The following TAOK1 variants were observed in gnomAD, a reference collection of about 807,000 sequenced individuals.
TAOK1 encodes the protein serine/threonine-protein kinase TAO1.
Under a neutral mutation model 138.3 loss-of-function variants are expected in TAOK1, and 21 were observed. The ratio of observed to expected loss-of-function variants is 0.15; its 90% CI spans 0.11 to 0.22. TAOK1 has a LOEUF of 0.22. Ranked by LOEUF, TAOK1 falls within the 10% of genes least tolerant of loss-of-function variation. TAOK1 has a pLI of 1.00. For missense variants in TAOK1, 651 were observed against 1,227.7 expected (o/e 0.53, Z 7.02); for synonymous variants, 361 against 398.4 (o/e 0.91, Z 1.12).
intron 1 of TAOK1, among the ~76,000 whole-genome samples, chr17:29,396,384 G>A (rs1208987609): frequency 2.6e-5 from 4 of 152,118 alleles, no homozygotes; most frequent in African/African-American, 9.7e-5. Context: ...GTAAGTAAAA[G>A]TATAAATTAT....
At chr17:29,529,854 G>A (rs981083191) in intron 17 of TAOK1, among the ~76,000 whole-genome samples, 1 of 144,176 alleles carries the variant, frequency 6.9e-6, no homozygotes, top group Non-Finnish European at 1.5e-5. Context: ...GTGACAGAGC[G>A]AGATTCCAAA....
intron 19 of TAOK1, among the ~76,000 whole-genome samples, chr17:29,542,350 T>TA (rs1159392636): frequency 6.6e-6 from 1 of 151,980 alleles, no homozygotes; most frequent in East Asian, 1.9e-4. Flanking sequence ...TATGTGCATG[T>TA]AAAAAAAATC....
At chr17:29,431,501 T>A (rs1344737897) in intron 1 of TAOK1, among the ~76,000 whole-genome samples, 2 of 143,966 alleles carry the variant, frequency 1.4e-5, no homozygotes, top group African/African-American at 5.3e-5. Flanking sequence ...GATACATTAG[T>A]GTGACACACT....
At chr17:29,398,204 C>CATTTT (rs1904723464) in intron 1 of TAOK1, among the ~76,000 whole-genome samples, 1 of 151,728 alleles carries the variant, frequency 6.6e-6, no homozygotes, top group Non-Finnish European at 1.5e-5. Context: ...TTATGCCTCA[C>CATTTT]CTTTTCTTTT....
At chr17:29,482,369 T>G in intron 8 of TAOK1, 81 bp downstream of exon 8, 1 of 1,100,222 alleles carries the variant, frequency 9.1e-7, no homozygotes, top group Non-Finnish European at 1.3e-6. Flanking sequence ...ATAAAAATTA[T>G]AGATTTTTAT....
chr17:29,508,463 G>A (rs1050443986), intron 14 of TAOK1, among the ~76,000 whole-genome samples: 2 of 152,086 alleles, frequency 1.3e-5, no homozygotes, highest in African/African-American at 4.8e-5. Flanking sequence ...TTAATATCAA[G>A]TACTAGGTCT....
Position 29,519,497 on chromosome 17 carries a change from C to T in TAOK1, c.1908+1841C>T, listed in dbSNP as rs548452137. On this transcript the variant is annotated intron_variant, in intron 16 of 19. Coordinates refer to ENST00000261716, the MANE Select transcript of TAOK1 (RefSeq NM_020791.4). ...TCGCGCTGCTGCACTCCGGTCTGGG[C>T]GACAGAGCAAGTCTGCATCTCAGAA... Among the ~76,000 whole-genome samples the T allele has an allele frequency of 4.7e-5, 7 of 148,484 alleles. No homozygotes were observed. The South Asian group carries it at 6.4e-4, about 14-fold the overall frequency.
chr17:29,408,468 G>T (rs1219602534), intron 1 of TAOK1, among the ~76,000 whole-genome samples: 1 of 151,730 alleles, frequency 6.6e-6, no homozygotes, highest in Non-Finnish European at 1.5e-5. Flanking sequence ...CGCTTGCTTT[G>T]GCCTCCCAAA....
chr17:29,399,632 CTG>C (rs1904776952), intron 1 of TAOK1, among the ~76,000 whole-genome samples: 1 of 152,166 alleles, frequency 6.6e-6, no homozygotes, highest in African/African-American at 2.4e-5. Context: ...ATTTATATAT[CTG>C]GAGTCTGACA....
At chr17:29,455,447 A>C (rs2030351425) in intron 2 of TAOK1, among the ~76,000 whole-genome samples, 1 of 150,250 alleles carries the variant, frequency 6.7e-6, no homozygotes. Flanking sequence ...CTTTCTTTTC[A>C]ACTTGAATGG....
In TAOK1 at chr17:29,420,871, C is replaced by T. The variant is rs563064744; in HGVS notation, c.-95+29847C>T. Among the ~76,000 whole-genome samples the T allele has an allele frequency of 5.3e-5, 8 of 152,170 alleles. No individual in the cohort carries two copies. In the South Asian group the frequency reaches 1.0e-3, roughly 20 times the overall value. ...TGCTAGGATTACAGGTGTGAGCCAC[C>T]GCGCCCAGCCGGAAAATACTTAATC... On this transcript the variant is annotated intron_variant, in intron 1 of 19. Coordinates refer to ENST00000261716, the MANE Select transcript of TAOK1 (RefSeq NM_020791.4).
intron 1 of TAOK1, among the ~76,000 whole-genome samples, chr17:29,428,924 C>T (rs557332580): frequency 2.2e-4 from 33 of 152,006 alleles, no homozygotes; most frequent in Admixed American, 1.5e-3. Context: ...TGAGCCACTG[C>T]GCCCACCCCA....
Position 29,524,678 on chromosome 17 carries a change from A to C in TAOK1, c.2148+2159A>C, listed in dbSNP as rs75044117. 5.0e-3 allele frequency among the ~76,000 whole-genome samples: 761 copies of C among 152,324 alleles called. 12 individuals are homozygous for C. Among genetic ancestry groups the C allele is most frequent in the African/African-American group, 0.018 (735 of 41,580 alleles). ...ACACCAAGTCATCACATTTCTATTT[A>C]CTTAAGTAATCGTTGCCTCTTTCAA... On this transcript the variant is annotated intron_variant, in intron 17 of 19. Transcript: ENST00000261716.
rs117590705 is a variant in TAOK1 at position 29,394,567 on chromosome 17, G to A, written c.-95+3543G>A. On this transcript the variant is annotated intron_variant, in intron 1 of 19. Transcript: ENST00000261716. ...TAGAGTTGAGATCAATCTGTCTTTC[G>A]TGTCTTTCACCTGGAAATAAAGTCT... Among the ~76,000 whole-genome samples, 420 of 152,160 alleles carry A rather than the reference G, an allele frequency of 2.8e-3. 2 individuals carry two copies. Among genetic ancestry groups the A allele is most frequent in the Non-Finnish European group, 5.0e-3 (341 of 68,002 alleles).
intron 11 of TAOK1, among the ~76,000 whole-genome samples, chr17:29,496,443 A>G (rs865969423): frequency 2.4e-4 from 36 of 152,092 alleles, no homozygotes; most frequent in Admixed American, 5.9e-4. Context: ...CTGATTGTCC[A>G]GTTCCATATG....
chr17:29,411,642 C>T (rs1247470988), intron 1 of TAOK1, among the ~76,000 whole-genome samples: 1 of 152,066 alleles, frequency 6.6e-6, no homozygotes, highest in Non-Finnish European at 1.5e-5. Flanking sequence ...ATCCACCTGC[C>T]TCTGCCACCC....
chr17:29,510,800 T>C (rs1314700669), intron 14 of TAOK1, 64 bp from the exon 15 acceptor site: 1 of 1,142,102 alleles, frequency 8.8e-7, no homozygotes, highest in Non-Finnish European at 1.2e-6. Context: ...TTCTTAATGA[T>C]GTATATTAAA....
chr17:29,512,177 C>G (rs1224681783), intron 15 of TAOK1: 1 of 146,404 alleles, frequency 6.8e-6, no homozygotes, highest in Non-Finnish European at 1.5e-5. Context: ...GCCTCAACCC[C>G]CCCGAGTAGC....
intron 13 of TAOK1, among the ~76,000 whole-genome samples, chr17:29,506,159 C>T (rs1225234822): frequency 6.6e-6 from 1 of 152,106 alleles, no homozygotes. Context: ...GGGATATCTG[C>T]ACTCCCATGT....
Sources: gnomAD v4.1 joint callset for allele counts (sites outside exome capture counted in the v4.1 genomes callset) on GRCh38, gnomAD v4.1.1 for gene constraint, MANE v1.5 for transcripts, NCBI Gene and HGNC (gene_info 2026-07-23, HGNC 2026-07-21) for gene names.